Variants in MINDY4B observed in about 807,000 individuals in gnomAD.
MINDY4B encodes the protein MINDY family member 4B.
MINDY4B carries 25 observed loss-of-function variants against 16.7 expected under a neutral mutation model. That is an observed-to-expected ratio of 1.49 (90% CI 1.09 to 2.09). The LOEUF (loss-of-function observed/expected upper bound fraction) is 2.09. Among genes scored for constraint, MINDY4B ranks in the 30% most tolerant of loss-of-function variants. MINDY4B has a pLI of 0.00. For missense variants in MINDY4B, 327 were observed against 168.4 expected (o/e 1.94, Z -5.21); for synonymous variants, 132 against 61.9 (o/e 2.13, Z -5.32).
rs997015261 is a variant in MINDY4B at position 150,875,008 on chromosome 3, GCAGGATTTACTCATCTGCATAGTAGGTA to G, written c.1060-1669_1060-1642del. 4.6e-5 allele frequency among the ~76,000 whole-genome samples: 7 copies of G among 152,272 alleles called. No individual in the cohort carries two copies. The East Asian group carries it at 7.7e-4, about 17-fold the overall frequency. ...CAATCAGGACATGTTCATAATGGGG[GCAGGATTTACTCATCTGCATAGTAGGTA>G]CAGGATTTGTTGGAGTTATCTCCTC... is the stretch of plus-strand genomic sequence containing the variant. On this transcript the variant is annotated intron_variant, in intron 10 of 11. Transcript: ENST00000465419.
intron 3 of MINDY4B, among the ~76,000 whole-genome samples, chr3:150,894,959 G>A (rs1319918736): frequency 6.6e-6 from 1 of 152,170 alleles, no homozygotes; most frequent in Non-Finnish European, 1.5e-5. Context: ...TAAGTAAAAA[G>A]TACTATGAGA....
At chr3:150,872,435 G>A (rs1002184865) in intron 11 of MINDY4B, among the ~76,000 whole-genome samples, 3 of 152,216 alleles carry the variant, frequency 2.0e-5, no homozygotes, top group Admixed American at 1.3e-4. Flanking sequence ...ATACAGCTAA[G>A]GCTATGGATA....
chr3:150,898,578 T>C (rs1712034668), intron 3 of MINDY4B, among the ~76,000 whole-genome samples: 1 of 152,260 alleles, frequency 6.6e-6, no homozygotes, highest in Non-Finnish European at 1.5e-5. Flanking sequence ...CATAATTACA[T>C]GTGCTGTTGT....
intron 10 of MINDY4B, 43 bp downstream of exon 10, chr3:150,882,854 A>C: frequency 1.5e-6 from 1 of 667,372 alleles, no homozygotes; most frequent in Non-Finnish European, 2.7e-6. Flanking sequence ...CTGTTAAAAT[A>C]TTGACATTCT....
At chr3:150,875,019 T>C (rs1404538711) in intron 10 of MINDY4B, among the ~76,000 whole-genome samples, 1 of 152,240 alleles carries the variant, frequency 6.6e-6, no homozygotes, top group East Asian at 1.9e-4. Context: ...CAGGATTTAC[T>C]CATCTGCATA....
At chr3:150,903,901 C>T (rs1432693505) in intron 2 of MINDY4B, among the ~76,000 whole-genome samples, 2 of 152,138 alleles carry the variant, frequency 1.3e-5, no homozygotes, top group Non-Finnish European at 2.9e-5. Flanking sequence ...TAAAAAAAAT[C>T]CACCGTCTAC....
intron 10 of MINDY4B, among the ~76,000 whole-genome samples, chr3:150,878,091 A>C (rs1255142130): frequency 6.6e-6 from 1 of 152,140 alleles, no homozygotes; most frequent in Non-Finnish European, 1.5e-5. Context: ...GGCTTAAAGT[A>C]ATACTGATTA....
intron 5 of MINDY4B, among the ~76,000 whole-genome samples, chr3:150,891,678 T>A (rs1346151398): frequency 6.7e-6 from 1 of 150,220 alleles, no homozygotes; most frequent in Non-Finnish European, 1.5e-5. Flanking sequence ...AGGAGAATGG[T>A]TTGAACCCGG....
At chr3:150,878,808 G>A (rs1353291826) in intron 10 of MINDY4B, among the ~76,000 whole-genome samples, 1 of 152,200 alleles carries the variant, frequency 6.6e-6, no homozygotes, top group Non-Finnish European at 1.5e-5. Flanking sequence ...TGACTTTAAG[G>A]TCCCAGTAAA....
Position 150,871,176 on chromosome 3 carries a change from G to C in MINDY4B, c.1252C>G (p.His418Asp), listed in dbSNP as rs1356674206. ...TCCTGTTGGTCTCTTTCCCAGTGAT[G>C]GGAGTGAGTATCTGAAGAAGGAATA... Reference protein sequence around the residue: ...LVRLTIDTHSHHWERDQQEEK... With the variant: ...LVRLTIDTHSDHWERDQQEEK... The change falls in exon 12 of 12, where the codon CAT (histidine) becomes GAT (aspartate). Residue 418 changes from histidine (H) to aspartate (D), a missense_variant. His to Asp is a moderately conservative substitution (Grantham distance 81, BLOSUM62 -1). Coordinates refer to ENST00000465419, the MANE Select transcript of MINDY4B (RefSeq NM_001351281.2). 4 of 702,676 alleles carry C rather than the reference G, an allele frequency of 5.7e-6. No homozygotes were observed. Among genetic ancestry groups the C allele is most frequent in the Middle Eastern group, 2.3e-4 (1 of 4,364 alleles). 43.5% of individuals were successfully genotyped at this position (702,676 alleles called of 1,614,324 possible).
intron 11 of MINDY4B, among the ~76,000 whole-genome samples, chr3:150,871,694 C>G (rs1391293732): frequency 6.6e-6 from 1 of 152,088 alleles, no homozygotes; most frequent in Non-Finnish European, 1.5e-5. Flanking sequence ...ACTAAAAATA[C>G]AGAAAATTAG....
At chr3:150,902,241 G>C (rs1272000472) in intron 3 of MINDY4B, among the ~76,000 whole-genome samples, 1 of 151,962 alleles carries the variant, frequency 6.6e-6, no homozygotes, top group Non-Finnish European at 1.5e-5. Flanking sequence ...GGCTGGTCCT[G>C]GGTTGTTTCT....
At chr3:150,881,692 C>A (rs1711523841) in intron 10 of MINDY4B, among the ~76,000 whole-genome samples, 1 of 150,996 alleles carries the variant, frequency 6.6e-6, no homozygotes. Flanking sequence ...AAAGATTGAC[C>A]CCTGGGTAAT....
chr3:150,884,912 A>C (rs1711584211), intron 8 of MINDY4B, among the ~76,000 whole-genome samples: 1 of 151,942 alleles, frequency 6.6e-6, no homozygotes, highest in Non-Finnish European at 1.5e-5. Context: ...CTCTGTGTAC[A>C]CCCCTTGTCT....
At position 150,895,198 on chromosome 3, in the gene MINDY4B, G is replaced by C. The variant is rs569405284; in HGVS notation, c.310-893C>G. Among the ~76,000 whole-genome samples the C allele has an allele frequency of 7.1e-4, 108 of 152,270 alleles. 1 individual carries two copies. In the South Asian group the frequency reaches 0.021, roughly 29 times the overall value. On this transcript the variant is annotated intron_variant, in intron 3 of 11. Transcript: ENST00000465419. Reference sequence around the variant, plus strand: ...AGGGAACCGAGACCCAAATAAGTTAGAGTATTTGCCTTTGTTCACCCAGTT... The same window carrying C: ...AGGGAACCGAGACCCAAATAAGTTACAGTATTTGCCTTTGTTCACCCAGTT...
intron 11 of MINDY4B, among the ~76,000 whole-genome samples, chr3:150,872,791 A>C (rs1717000504): frequency 6.6e-6 from 1 of 152,142 alleles, no homozygotes; most frequent in African/African-American, 2.4e-5. Flanking sequence ...TGATCATCTG[A>C]TGTTTGGTTG....
chr3:150,902,615 C>T (rs922214200), intron 3 of MINDY4B, among the ~76,000 whole-genome samples: 4 of 152,280 alleles, frequency 2.6e-5, no homozygotes, highest in South Asian at 4.1e-4. Flanking sequence ...CAATGAGATG[C>T]CTTTAGTTTT....
At chr3:150,891,876 T>A (rs1462905863) in intron 5 of MINDY4B, among the ~76,000 whole-genome samples, 1 of 151,976 alleles carries the variant, frequency 6.6e-6, no homozygotes, top group East Asian at 1.9e-4. Context: ...AGACACCTTG[T>A]GACTGGGGGG....
Position 150,883,681 on chromosome 3 carries a change from G to A in MINDY4B, c.897+19C>T, listed in dbSNP as rs1711561012. On this transcript the variant is annotated intron_variant, in intron 9 of 11. Transcript: ENST00000465419. ...CTAATTCAGATTCTACAATAGAAAG[G>A]CAGAGTCTTCCAGCTCACCTGCCTG... 2.8e-6 allele frequency: 2 copies of A among 702,394 alleles called. No homozygotes were observed. The allele number at this position is 702,394 out of a possible 1,614,324, so 43.5% of individuals were successfully genotyped here.
Sources: allele counts gnomAD v4.1 joint callset (sites outside exome capture counted in the v4.1 genomes callset), GRCh38; gene constraint gnomAD v4.1.1; transcripts MANE v1.5; gene names NCBI Gene and HGNC (gene_info 2026-07-23, HGNC 2026-07-21).